C2: variants seen among roughly 807,000 people sequenced by gnomAD.
C2 encodes the protein complement C2, also known as C3/C5 convertase.
Under a neutral mutation model 85.2 loss-of-function variants are expected in C2, and 64 were observed. The observed-to-expected ratio is 0.75, with a 90% CI of 0.61 to 0.92. C2 has a LOEUF of 0.92. Among genes scored for constraint, C2 ranks in the 40% least tolerant of loss-of-function variants. The probability of loss-of-function intolerance (pLI) is 0.00; values close to 1 mark genes in which losing one functional copy is unlikely to be tolerated. For missense variants in C2, 820 were observed against 971.6 expected, an observed-to-expected ratio of 0.84 and a Z score of 2.07; for synonymous variants, 311 against 370.8, an observed-to-expected ratio of 0.84 and a Z score of 1.85.
rs1365895363 is a variant in C2 at position 31,935,062 on chromosome 6, T to A, written c.849+763T>A. 1.0e-6 allele frequency: 1 copy of A among 966,072 alleles called. No individual in the cohort carries two copies. The highest frequency in any genetic ancestry group is 1.2e-6 in the Non-Finnish European group (1 of 812,398). 59.8% of individuals were successfully genotyped at this position (966,072 alleles called of 1,614,324 possible). The stretch of plus-strand genomic sequence containing the variant: ...AAATAAAATATGTGTGATAGAAGTT[T>A]GGAAGCCACTGGTTTAAGTTCCTCG... On this transcript the variant is annotated intron_variant, in intron 6 of 17. Transcript: ENST00000299367. The surrounding 1 kb of genome is among the most constrained non-coding windows in gnomAD (Gnocchi z 4.3).
At chr6:31,916,054 G>A (rs1214582577), upstream of C2, among the ~76,000 whole-genome samples, 1 of 152,226 alleles carries the variant, frequency 6.6e-6, no homozygotes, top group Non-Finnish European at 1.5e-5. Flanking sequence ...TAATGTTACA[G>A]TCTGGGTTTG....
chr6:31,908,152 T>G (rs1767853160), intron 1 of C2, among the ~76,000 whole-genome samples: 1 of 150,718 alleles, frequency 6.6e-6, no homozygotes, highest in Non-Finnish European at 1.5e-5. Context: ...GGCCATTTTT[T>G]TTTTTTTTTT....
upstream of C2, among the ~76,000 whole-genome samples, chr6:31,926,770 G>C (rs1249511281): frequency 6.6e-6 from 1 of 152,158 alleles, no homozygotes; most frequent in East Asian, 1.9e-4. Flanking sequence ...AAATCAAAAG[G>C]GTTTTTACGA....
At chr6:31,941,183 ACC>A (rs1436367370) in intron 9 of C2, 1 of 152,208 alleles carries the variant, frequency 6.6e-6, no homozygotes, top group Non-Finnish European at 1.5e-5. Context: ...AAAAGTACTT[ACC>A]AAACTACCAC....
intron 1 of C2, chr6:31,902,109 G>GGA (rs1259269821): frequency 2.0e-5 from 3 of 151,416 alleles, no homozygotes; most frequent in African/African-American, 7.3e-5. Flanking sequence ...TAAAGGAGCA[G>GGA]GATCCCCCCT....
rs1346931688 is a variant in C2, at chr6:31,944,438, G to GT, written c.1902+213dup. ...GCTCTGTCTCCCAGGCTGGAGTGCA[G>GT]TGGCACGACCTCAGCTCACTGCAAC... On this transcript the variant is annotated intron_variant, in intron 15 of 17. Transcript: ENST00000299367. This position sits in a 1 kb window ranked among gnomAD's most constrained non-coding sequence, Gnocchi z 5.1. Among the ~76,000 whole-genome samples, 1 of 152,160 alleles carries GT rather than the reference G, an allele frequency of 6.6e-6. No individual in the cohort carries two copies. Among genetic ancestry groups the GT allele is most frequent in the Non-Finnish European group, 1.5e-5 (1 of 68,024 alleles).
upstream of C2, among the ~76,000 whole-genome samples, chr6:31,919,583 T>C (rs894548745): frequency 1.3e-5 from 2 of 152,230 alleles, no homozygotes; most frequent in Non-Finnish European, 2.9e-5. Flanking sequence ...CCTATCCAGT[T>C]TTTTGTAAAC....
chr6:31,914,114 T>C (rs1471070847), intron 1 of C2, among the ~76,000 whole-genome samples: 1 of 151,828 alleles, frequency 6.6e-6, no homozygotes, highest in Non-Finnish European at 1.5e-5. Context: ...TGTTTCACTA[T>C]GTTGGCCAGG....
At chr6:31,931,542 T>C (rs1216887740) in intron 3 of C2, among the ~76,000 whole-genome samples, 1 of 151,698 alleles carries the variant, frequency 6.6e-6, no homozygotes, top group Non-Finnish European at 1.5e-5. Context: ...CAACCCTGAG[T>C]GGATACAGCA....
chr6:31,944,936 C>G lies in C2; in HGVS notation c.2030-44C>G. On this transcript the variant is annotated intron_variant, in intron 16 of 17. Coordinates refer to ENST00000299367, the MANE Select transcript of C2 (RefSeq NM_000063.6). The surrounding 1 kb of genome is among the most constrained non-coding windows in gnomAD (Gnocchi z 5.1). ...CAGCATGCATGCCAGAACACCAGTC[C>G]ACTGCCCTAGATGACACTGTCTCCT... 1.2e-6 allele frequency: 2 copies of G among 1,612,844 alleles called. No individual in the cohort carries two copies. The highest frequency in any genetic ancestry group is 1.7e-6 in the Non-Finnish European group (2 of 1,179,796).
chr6:31,943,878 C>T lies in C2; in HGVS notation c.1734-39C>T, dbSNP rs1320512588. The stretch of plus-strand genomic sequence containing the variant: ...GCTCTGGAGATCCCTGGAAGAGATA[C>T]TGGGGACAGGCTGGTGTGACCCTTG... On this transcript the variant is annotated intron_variant, in intron 13 of 17. Coordinates refer to ENST00000299367, the MANE Select transcript of C2 (RefSeq NM_000063.6). The surrounding 1 kb of genome is among the most constrained non-coding windows in gnomAD (Gnocchi z 6.4). 1 of 1,611,724 alleles carries T rather than the reference C, an allele frequency of 6.2e-7. No individual in the cohort carries two copies. Among genetic ancestry groups the T allele is most frequent in the African/African-American group, 1.3e-5 (1 of 74,878 alleles).
At chr6:31,939,830 G>A (rs1458378658) in intron 9 of C2, among the ~76,000 whole-genome samples, 1 of 152,052 alleles carries the variant, frequency 6.6e-6, no homozygotes. Context: ...AGGCTGGAGT[G>A]CAGTGACTCG....
Position 31,937,359 on chromosome 6 carries a change from A to T in C2, c.1029A>T (p.Leu343Phe). Residue 343 changes from leucine (L) to phenylalanine (F), a missense_variant, in exon 8 of 18, where the codon TTA becomes TTT. By Grantham distance (22) the Leu-to-Phe change is conservative. Coordinates refer to ENST00000299367, the MANE Select transcript of C2 (RefSeq NM_000063.6). The part of the protein sequence containing the change: ...NGTGTNTYAA[L>F]NSVYLMMNNQ... Reference sequence around the variant, plus strand: ...CTGGGACTAACACCTATGCGGCCTTAAACAGTGTCTATCTCATGATGAACA... The same window carrying T: ...CTGGGACTAACACCTATGCGGCCTTTAACAGTGTCTATCTCATGATGAACA... The T allele has an allele frequency of 6.2e-7, 1 of 1,612,886 alleles. No homozygotes were observed. The highest frequency in any genetic ancestry group is 8.5e-7 in the Non-Finnish European group (1 of 1,179,956).
intron 1 of C2, among the ~76,000 whole-genome samples, chr6:31,911,930 CTT>C (rs70990289): frequency 1.6e-3 from 201 of 122,906 alleles, no homozygotes; most frequent in Non-Finnish European, 2.6e-3. Context: ...ATGTCTGGCC[CTT>C]TTTTTTTTTT....
chr6:31,931,983 G>T (rs1769822786), intron 3 of C2, among the ~76,000 whole-genome samples: 2 of 133,428 alleles, frequency 1.5e-5, no homozygotes, highest in South Asian at 5.0e-4. Flanking sequence ...GGCTGGCCGG[G>T]CGGGGGGCTG....
chr6:31,933,136 A>G (rs1229393486), intron 3 of C2, among the ~76,000 whole-genome samples: 1 of 152,038 alleles, frequency 6.6e-6, no homozygotes, highest in African/African-American at 2.4e-5. Context: ...CCATGGGGAG[A>G]GGGTGAGGGA....
At position 31,932,864 on chromosome 6, in the gene C2, A is replaced by G. The variant is rs1025595122; in HGVS notation, c.443-746A>G. ...TGAACGAGACTCCGTCTGCAATCCC[A>G]GCACCTCGGGAGGCCGAGGCTGGTG... On this transcript the variant is annotated intron_variant, in intron 3 of 17. Coordinates refer to ENST00000299367, the MANE Select transcript of C2 (RefSeq NM_000063.6). 7.2e-5 allele frequency among the ~76,000 whole-genome samples: 11 copies of G among 152,398 alleles called. 1 individual carries two copies. The highest frequency in any genetic ancestry group is 2.1e-4 in the South Asian group (1 of 4,830).
At chr6:31,927,403 G>A (rs562038239), upstream of C2, 12 of 971,920 alleles carry the variant, frequency 1.2e-5, no homozygotes, top group Admixed American at 1.5e-4. This position sits in a 1 kb window ranked among gnomAD's most constrained non-coding sequence, Gnocchi z 4.7. Context: ...GTGCACACAC[G>A]AGCCCAAATA....
In C2 at chr6:31,939,288, T is replaced by C. The variant is rs754861058; in HGVS notation, c.1187T>C (p.Leu396Pro). 3.7e-6 allele frequency: 6 copies of C among 1,612,470 alleles called. No homozygotes were observed. In the Admixed American group the frequency reaches 1.0e-4, roughly 27 times the overall value. ...KTAVDHIREI[L>P]NINQKRNDYL... ...GCTGTTGACCATATCAGAGAGATCC[T>C]GAACATCAACCAGAAGAGGAATGAC... The change falls in exon 9 of 18, where the codon CTG becomes CCG. Residue 396 changes from leucine (L) to proline (P), a missense_variant. Physicochemically the swap from Leu to Pro is moderately conservative, Grantham distance 98. Transcript: ENST00000299367.
Sources: allele counts gnomAD v4.1 joint callset (sites outside exome capture counted in the v4.1 genomes callset), GRCh38; gene constraint gnomAD v4.1.1; non-coding constraint Gnocchi (gnomAD v3.1); transcripts MANE v1.5; gene names NCBI Gene and HGNC (gene_info 2026-07-23, HGNC 2026-07-21).